SAMSN1: variants seen among roughly 807,000 people sequenced by gnomAD.
The protein encoded by SAMSN1 is SAM domain-containing protein SAMSN-1.
A neutral mutation model predicts 42.0 loss-of-function variants in SAMSN1; 31 were observed. The observed-to-expected ratio is 0.74, with a 90% CI of 0.55 to 1.00. SAMSN1 has a LOEUF of 1.00. Ranked by LOEUF, SAMSN1 falls within the 50% of genes least tolerant of loss-of-function variation. The pLI is 0.00. For missense variants in SAMSN1, 464 were observed against 439.4 expected, an observed-to-expected ratio of 1.06 and a Z score of -0.50; for synonymous variants, 178 against 151.9, an observed-to-expected ratio of 1.17 and a Z score of -1.26.
At chr21:14,656,721 G>C (rs1983922333) in intron 1 of SAMSN1, among the ~76,000 whole-genome samples, 1 of 151,766 alleles carries the variant, frequency 6.6e-6, no homozygotes, top group Non-Finnish European at 1.5e-5. Flanking sequence ...AGAATGGGTA[G>C]TTCATTAAGT....
chr21:14,643,601 G>T (rs1225002378), intron 1 of SAMSN1, among the ~76,000 whole-genome samples: 1 of 152,142 alleles, frequency 6.6e-6, no homozygotes, highest in East Asian at 1.9e-4. Context: ...AATGGCAGAG[G>T]AGGCGAAGTA....
chr21:14,592,703 AAAG>A (rs1373317405), intron 7 of SAMSN1: 6 of 281,598 alleles, frequency 2.1e-5, no homozygotes. Context: ...ATCAGAGTCT[AAAG>A]AAATATTCTC....
At chr21:14,581,772 CA>C (rs1981739488) in intron 2 of SAMSN1, among the ~76,000 whole-genome samples, 1 of 151,916 alleles carries the variant, frequency 6.6e-6, no homozygotes, top group Non-Finnish European at 1.5e-5. Flanking sequence ...ATGGCAGGCC[CA>C]AATAAAATGC....
intron 2 of SAMSN1, chr21:14,616,036 G>A (rs1982828265): frequency 1.7e-6 from 1 of 579,374 alleles, no homozygotes. Context: ...AAAATAAAAT[G>A]AATAAAATAA....
chr21:14,544,027 G>A (rs537608048), intron 1 of SAMSN1, among the ~76,000 whole-genome samples: 1 of 152,230 alleles, frequency 6.6e-6, no homozygotes, highest in South Asian at 2.1e-4. Flanking sequence ...TATTTGTAGG[G>A]ATTATCACAG....
chr21:14,621,495 A>G (rs1488256590), intron 2 of SAMSN1, among the ~76,000 whole-genome samples: 1 of 152,198 alleles, frequency 6.6e-6, no homozygotes, highest in Non-Finnish European at 1.5e-5. Flanking sequence ...CCAGGAGATT[A>G]TATCCCACAC....
intron 2 of SAMSN1, among the ~76,000 whole-genome samples, chr21:14,560,713 C>A (rs1026978776): frequency 3.3e-5 from 5 of 152,170 alleles, no homozygotes; most frequent in African/African-American, 1.2e-4. Flanking sequence ...TAGTCAGTGC[C>A]TTTTATCTAA....
At chr21:14,590,593 TAAA>T (rs938690377) in intron 7 of SAMSN1, among the ~76,000 whole-genome samples, 64 of 50,312 alleles carry the variant, frequency 1.3e-3, no homozygotes, top group Non-Finnish European at 1.8e-3. Context: ...AGAAATTCTA[TAAA>T]CAACTACAAA....
At chr21:14,575,185 GA>G (rs1328542572) in intron 2 of SAMSN1, among the ~76,000 whole-genome samples, 1 of 152,120 alleles carries the variant, frequency 6.6e-6, no homozygotes, top group Non-Finnish European at 1.5e-5. Context: ...AAGCCATGCA[GA>G]ATCTCCTAAT....
chr21:14,512,350 G>A, intron 4 of SAMSN1, 94 bp downstream of exon 4: 1 of 1,303,434 alleles, frequency 7.7e-7, no homozygotes. Context: ...TTATCAAGTA[G>A]CTGGAACCTT....
chr21:14,639,700 C>T (rs1230602793), intron 2 of SAMSN1, among the ~76,000 whole-genome samples: 2 of 152,022 alleles, frequency 1.3e-5, no homozygotes, highest in African/African-American at 4.8e-5. Context: ...CAGTTACAGG[C>T]TACATTTAAA....
chr21:14,502,215 ATCTT>A (rs1987193209), intron 5 of SAMSN1, among the ~76,000 whole-genome samples: 1 of 151,822 alleles, frequency 6.6e-6, no homozygotes, highest in Non-Finnish European at 1.5e-5. Flanking sequence ...TAACTGGTCT[ATCTT>A]GTGATCATCT....
chr21:14,533,352 T>G (rs566653743), intron 1 of SAMSN1, among the ~76,000 whole-genome samples: 1 of 152,364 alleles, frequency 6.6e-6, no homozygotes, highest in South Asian at 2.1e-4. Context: ...TATGTAGATT[T>G]TGATACAAGG....
chr21:14,529,214 C>A (rs973609294), intron 1 of SAMSN1, among the ~76,000 whole-genome samples: 8 of 152,188 alleles, frequency 5.3e-5, no homozygotes, highest in African/African-American at 1.9e-4. Context: ...TCAAACCCAG[C>A]CCATTCTTCG....
intron 2 of SAMSN1, among the ~76,000 whole-genome samples, chr21:14,578,836 T>A (rs1371039708): frequency 6.6e-6 from 1 of 152,134 alleles, no homozygotes; most frequent in Admixed American, 6.6e-5. Flanking sequence ...TCTTGGCACG[T>A]ATATTTTTAA....
rs17003822 is a variant in SAMSN1 at position 14,630,546 on chromosome 21, C to A, written c.156+12456G>T. On this transcript the variant is annotated intron_variant, in intron 2 of 15. Transcript: ENST00000647101. ...TTAACATAAGTCTCTATTTACGGGA[C>A]GAAACCAATTAAAACTACCAAAAGG... Among the ~76,000 whole-genome samples the A allele has an allele frequency of 2.6e-4, 39 of 151,850 alleles. 1 individual carries two copies. The highest frequency in any genetic ancestry group is 1.5e-5 in the Non-Finnish European group (1 of 67,980).
At chr21:14,546,438 T>G, upstream of SAMSN1, 2 of 1,058,220 alleles carry the variant, frequency 1.9e-6, no homozygotes, top group Non-Finnish European at 2.5e-6. Context: ...TTTTTTTTCT[T>G]ACAGTAATTC....
upstream of SAMSN1, among the ~76,000 whole-genome samples, chr21:14,550,681 A>T (rs1198871013): frequency 6.6e-6 from 1 of 152,088 alleles, no homozygotes; most frequent in South Asian, 2.1e-4. Context: ...TGATGCCCAA[A>T]CAACTTCTAA....
chr21:14,653,623 G>A (rs462339), intron 1 of SAMSN1, among the ~76,000 whole-genome samples: 116,396 of 151,778 alleles, frequency 0.77, 45,162 homozygotes, highest in Middle Eastern at 0.89. Flanking sequence ...TAACTTAATC[G>A]TACATTTTAA....
Sources: gnomAD v4.1 joint callset for allele counts (sites outside exome capture counted in the v4.1 genomes callset) on GRCh38, gnomAD v4.1.1 for gene constraint, MANE v1.5 for transcripts, NCBI Gene and HGNC (gene_info 2026-07-23, HGNC 2026-07-21) for gene names.